KANK1: variants seen among roughly 807,000 people sequenced by gnomAD.
KANK1 encodes KN motif and ankyrin repeat domain-containing protein 1.
Under a neutral mutation model 106.2 loss-of-function variants are expected in KANK1, and 109 were observed. The observed-to-expected ratio is 1.03, with a 90% CI of 0.88 to 1.20. The LOEUF (loss-of-function observed/expected upper bound fraction) is 1.20. Among genes scored for constraint, KANK1 ranks in the 50% most tolerant of loss-of-function variants. KANK1 has a pLI of 0.00. For synonymous variants in KANK1, 873 were observed against 652.2 expected (o/e 1.34, Z -5.16); for missense variants, 2,399 against 1,710.7 (o/e 1.40, Z -7.10).
intron 1 of KANK1, among the ~76,000 whole-genome samples, chr9:576,794 G>A (rs1820682860): frequency 1.3e-5 from 2 of 151,890 alleles, no homozygotes; most frequent in African/African-American, 4.8e-5. Context: ...TTCCCTGTAC[G>A]TACCATGTAC....
chr9:597,132 G>T (rs1241719816), intron 1 of KANK1, among the ~76,000 whole-genome samples: 3 of 151,876 alleles, frequency 2.0e-5, no homozygotes, highest in Non-Finnish European at 1.5e-5. Flanking sequence ...TCTGTTGATA[G>T]ATTTTTGATT....
intron 1 of KANK1, among the ~76,000 whole-genome samples, chr9:515,655 A>G (rs1336764774): frequency 6.6e-6 from 1 of 151,782 alleles, no homozygotes; most frequent in African/African-American, 2.4e-5. Flanking sequence ...TGACATTTTT[A>G]TAGGAGAATT....
At chr9:646,778 C>T (rs912168) in intron 1 of KANK1, among the ~76,000 whole-genome samples, 31,953 of 149,418 alleles carry the variant, frequency 0.21, 5,496 homozygotes, top group African/African-American at 0.41. Context: ...CAATCTCCGC[C>T]TCCCGGGTTA....
chr9:477,843 A>C (rs1048986583), intron 3 of KANK1: 2 of 152,508 alleles, frequency 1.3e-5, no homozygotes, highest in African/African-American at 4.8e-5. Flanking sequence ...GGGTTCATCT[A>C]GCCACCTCTG....
At chr9:583,007 C>T (rs1274715000) in intron 1 of KANK1, among the ~76,000 whole-genome samples, 1 of 152,132 alleles carries the variant, frequency 6.6e-6, no homozygotes, top group African/African-American at 2.4e-5. Context: ...ATCAGAATGA[C>T]ACTTAATAGT....
chr9:591,689 C>T (rs1157785888), intron 1 of KANK1, among the ~76,000 whole-genome samples: 1 of 151,774 alleles, frequency 6.6e-6, no homozygotes, highest in African/African-American at 2.4e-5. Context: ...TTTTGAGATG[C>T]AGTCTCGCCT....
chr9:591,077 T>C (rs893440765), intron 1 of KANK1, among the ~76,000 whole-genome samples: 1 of 151,806 alleles, frequency 6.6e-6, no homozygotes, highest in Non-Finnish European at 1.5e-5. Flanking sequence ...TTATATTCCT[T>C]TGTGAGTTTT....
At chr9:625,997 A>G (rs889409075) in intron 1 of KANK1, among the ~76,000 whole-genome samples, 1 of 151,820 alleles carries the variant, frequency 6.6e-6, no homozygotes, top group Non-Finnish European at 1.5e-5. Flanking sequence ...CCTCCCCTTT[A>G]ATGTTTGCCA....
At chr9:577,299 C>A (rs1043777425) in intron 1 of KANK1, among the ~76,000 whole-genome samples, 2 of 152,110 alleles carry the variant, frequency 1.3e-5, no homozygotes, top group African/African-American at 2.4e-5. Context: ...GCTGATTGAT[C>A]CATTTTACAG....
chr9:581,321 C>G (rs10491601), intron 1 of KANK1, among the ~76,000 whole-genome samples: 1 of 152,334 alleles, frequency 6.6e-6, no homozygotes, highest in East Asian at 1.9e-4. Context: ...CAATGCCTAT[C>G]TTAAACAGAC....
intron 1 of KANK1, among the ~76,000 whole-genome samples, chr9:659,088 G>C (rs527257502): frequency 6.6e-6 from 1 of 152,220 alleles, no homozygotes; most frequent in East Asian, 1.9e-4. Flanking sequence ...GTGCCTATAA[G>C]CCTCAAAAAG....
rs768713037 is a variant in KANK1 at position 712,050 on chromosome 9, G to A, written c.1284G>A (p.Gly428=). The change falls in exon 3 of 12, where the codon GGG becomes GGA. Residue 428 remains glycine (G), a synonymous_variant. Transcript: ENST00000382297. ...GGTCCTGTAAGGATGCAGCTGTAGG[G>A]ACACTTGTTGAGATGAGAAATTGTG... ...GSRSCKDAAV[G]TLVEMRNCGV... 1.9e-6 allele frequency: 3 copies of A among 1,614,060 alleles called. No individual in the cohort carries two copies. The highest frequency in any genetic ancestry group is 2.5e-6 in the Non-Finnish European group (3 of 1,180,024).
chr9:697,639 A>T (rs76336781), intron 2 of KANK1, among the ~76,000 whole-genome samples: 2,130 of 152,150 alleles, frequency 0.014, 47 homozygotes, highest in African/African-American at 0.049. Flanking sequence ...TTCTGTTGAC[A>T]TAATTCCTTG....
chr9:676,898 C>T lies in KANK1; in HGVS notation c.-75C>T. 1 of 1,169,274 alleles carries T rather than the reference C, an allele frequency of 8.6e-7. No homozygotes were observed. Among genetic ancestry groups the T allele is most frequent in the Non-Finnish European group, 1.3e-6 (1 of 785,752 alleles). The allele number at this position is 1,169,274 out of a possible 1,614,324, so 72.4% of individuals were successfully genotyped here. A position where few individuals can be genotyped will look rare whatever the true frequency, so the allele number is the denominator to read the frequency against. ...TCTCTTTATTGTTTCAGGTTGAATG[C>T]CTTTGAGAACTTGATGCATAAAATT... On this transcript the variant is annotated 5_prime_UTR_variant, in exon 2 of 12. Transcript: ENST00000382297.
intron 3 of KANK1, among the ~76,000 whole-genome samples, chr9:493,413 C>A (rs1281760240): frequency 1.3e-5 from 2 of 151,890 alleles, no homozygotes; most frequent in African/African-American, 4.8e-5. Flanking sequence ...TGACAGAAGC[C>A]CCCAGTGACA....
At chr9:666,042 G>T (rs181698706) in intron 1 of KANK1, among the ~76,000 whole-genome samples, 12 of 152,184 alleles carry the variant, frequency 7.9e-5, no homozygotes, top group Admixed American at 7.8e-4. Flanking sequence ...TTAGCCAGAC[G>T]TGGTGGCATG....
At chr9:721,984 G>A (rs1829460750) in intron 3 of KANK1, among the ~76,000 whole-genome samples, 1 of 152,200 alleles carries the variant, frequency 6.6e-6, no homozygotes, top group Non-Finnish European at 1.5e-5. Context: ...GGATTGAGGT[G>A]TACCGAAACC....
chr9:629,943 G>A (rs992651749), intron 1 of KANK1, among the ~76,000 whole-genome samples: 3 of 152,148 alleles, frequency 2.0e-5, no homozygotes, highest in Admixed American at 1.3e-4. Context: ...AAGAACAAAG[G>A]GAATAATAAG....
intron 1 of KANK1, among the ~76,000 whole-genome samples, chr9:542,886 C>T (rs1196286723): frequency 6.6e-6 from 1 of 152,048 alleles, no homozygotes; most frequent in Non-Finnish European, 1.5e-5. Context: ...TTGTCAGGGG[C>T]TGGGAGATGA....
Sources: gnomAD v4.1 joint callset for allele counts (sites outside exome capture counted in the v4.1 genomes callset) on GRCh38, gnomAD v4.1.1 for gene constraint, MANE v1.5 for transcripts, NCBI Gene and HGNC (gene_info 2026-07-23, HGNC 2026-07-21) for gene names.